HCFC1: variants seen among roughly 807,000 people sequenced by gnomAD.
The protein encoded by HCFC1 is host cell factor C1, also known as host cell factor 1.
Under a neutral mutation model 105.5 loss-of-function variants are expected in HCFC1, and 7 were observed. The observed-to-expected ratio is 0.07, with a 90% CI of 0.04 to 0.12. The LOEUF (loss-of-function observed/expected upper bound fraction) is 0.12. HCFC1 is among the 10% of genes least tolerant of loss of function. HCFC1 has a pLI of 1.00. For synonymous variants in HCFC1, 918 were observed against 828.1 expected (o/e 1.11, Z -1.86); for missense variants, 1,065 against 1,823.6 (o/e 0.58, Z 7.58).
At position 153,956,757 on chromosome X, in the gene HCFC1, G is replaced by T; in HGVS notation, c.2503C>A (p.Leu835Ile). The T allele has an allele frequency of 8.3e-7, 1 of 1,210,616 alleles. No individual in the cohort carries two copies. The highest frequency in any genetic ancestry group is 1.1e-6 in the Non-Finnish European group (1 of 895,445). Residue 835 changes from leucine to isoleucine, a missense_variant, in exon 15 of 26, where the codon CTT becomes ATT. Leu to Ile is a conservative substitution (Grantham distance 5). Around this residue, in one of 17 missense-constraint regions of HCFC1, gnomAD observed 137 missense variants for 378.2 expected, o/e 0.36. Coordinates refer to ENST00000310441, the MANE Select transcript of HCFC1 (RefSeq NM_005334.3). ...HGQQGVTQVV[L>I]KGAPGQPGTI... ...CCTGGCTGTCCCGGGGCCCCCTTAA[G>T]CACCACCTGGAACACCAGAGGAAAG...
At position 153,951,638 on chromosome X, in the gene HCFC1, G is replaced by A. The variant is rs1557112513; in HGVS notation, c.5330C>T (p.Ala1777Val). 1 of 1,211,340 alleles carries A rather than the reference G, an allele frequency of 8.3e-7. No homozygotes were observed. Among genetic ancestry groups the A allele is most frequent in the South Asian group, 1.8e-5 (1 of 57,033 alleles). ...GGCCACTTCGGTCAGGGTAGCTGCAGCCTGCAGCTTGGCTGGGCTGGCCAC... is the reference window on the plus strand; with the variant it reads ...GGCCACTTCGGTCAGGGTAGCTGCAACCTGCAGCTTGGCTGGGCTGGCCAC... ...VVVASPAKLQ[A>V]AATLTEVANG... The change falls in exon 21 of 26, where the codon GCT becomes GTT. Residue 1777 changes from alanine (A) to valine (V), a missense_variant. Ala to Val is a moderately conservative substitution (Grantham distance 64). Transcript: ENST00000310441.
rs2065278186 is a variant in HCFC1 at position 153,948,589 on chromosome X, G to A, written c.*758C>T. On this transcript the variant is annotated 3_prime_UTR_variant, in exon 26 of 26. Coordinates refer to ENST00000310441, the MANE Select transcript of HCFC1 (RefSeq NM_005334.3). ...ACAAAAAAGGGACAAAACCCCACAC[G>A]CTAAAATTACAATGAAAGTGTGAAC... 3 of 113,559 alleles carry A rather than the reference G, an allele frequency of 2.6e-5. No homozygotes were observed. The highest frequency in any genetic ancestry group is 1.8e-4 in the Admixed American group (2 of 10,818). 9.4% of individuals were successfully genotyped at this position (113,559 alleles called of 1,213,427 possible).
Position 153,960,227 on chromosome X carries a change from G to A in HCFC1, c.1084+8C>T, listed in dbSNP as rs367698803. 76 of 1,186,441 alleles carry A rather than the reference G, an allele frequency of 6.4e-5. No individual in the cohort carries two copies. Among genetic ancestry groups the A allele is most frequent in the Non-Finnish European group, 6.3e-5 (56 of 882,046 alleles). ...TGGGAGGAGGGGAGTCGGCTGGGCC[G>A]GGCCTACCTGTCTCTAGGTACCAGA... On this transcript the variant is annotated splice_region_variant and intron_variant, in intron 7 of 25. Coordinates refer to ENST00000310441, the MANE Select transcript of HCFC1 (RefSeq NM_005334.3).
At position 153,960,217 on chromosome X, in the gene HCFC1, C is replaced by A. The variant is rs782811477; in HGVS notation, c.1084+18G>T. On this transcript the variant is annotated intron_variant, in intron 7 of 25. Coordinates refer to ENST00000310441, the MANE Select transcript of HCFC1 (RefSeq NM_005334.3). ...CGGGAGGCTATGGGAGGAGGGGAGT[C>A]GGCTGGGCCGGGCCTACCTGTCTCT... 7 of 1,184,076 alleles carry A rather than the reference C, an allele frequency of 5.9e-6. No homozygotes were observed. The South Asian group carries it at 1.3e-4, about 22-fold the overall frequency.
At position 153,952,834 on chromosome X, in the gene HCFC1, G is replaced by A; in HGVS notation, c.4622C>T (p.Pro1541Leu). Residue 1541 changes from proline to leucine, a missense_variant, in exon 19 of 26, where the codon CCT (proline) becomes CTT (leucine). Pro to Leu is a moderately conservative substitution (Grantham distance 98). Transcript: ENST00000310441. ...SAEVLSASQT[P>L]ELPAAVDLSS... The stretch of plus-strand genomic sequence containing the variant: ...CAGATCCACGGCGGCCGGGAGCTCA[G>A]GGGTCTGGGAGGCTGACAGGACCTC... 1.7e-6 allele frequency: 2 copies of A among 1,194,212 alleles called. No homozygotes were observed. Among genetic ancestry groups the A allele is most frequent in the Non-Finnish European group, 2.3e-6 (2 of 886,929 alleles).
Position 153,954,363 on chromosome X carries a change from C to T in HCFC1, c.4036G>A (p.Glu1346Lys), listed in dbSNP as rs2065348410. 2.5e-6 allele frequency: 3 copies of T among 1,200,276 alleles called. No homozygotes were observed. The highest frequency in any genetic ancestry group is 2.2e-5 in the Admixed American group (1 of 45,006). ...ATSNGGTGQP[E>K]GGQQPPAGRP... Reference sequence around the variant, plus strand: ...CCAGCAGGGGGCTGCTGCCCACCCTCGGGCTGGCCCGTGCCCCCGTTTGAA... The same window carrying T: ...CCAGCAGGGGGCTGCTGCCCACCCTTGGGCTGGCCCGTGCCCCCGTTTGAA... The change falls in exon 17 of 26, where the codon GAG becomes AAG. Residue 1346 changes from glutamate (E) to lysine (K), a missense_variant. Coordinates refer to ENST00000310441, the MANE Select transcript of HCFC1 (RefSeq NM_005334.3).
At chrX:153,968,414 A>G (rs1268701709) in intron 1 of HCFC1, among the ~76,000 whole-genome samples, 1 of 111,786 alleles carries the variant, frequency 8.9e-6, no homozygotes, top group African/African-American at 3.3e-5. Flanking sequence ...AACACAACAA[A>G]AGAAGACAAG....
rs370113081 is a variant in HCFC1, at chrX:153,954,412, G to A, written c.3987C>T (p.Thr1329=). Residue 1329 remains threonine (T), a synonymous_variant, in exon 17 of 26, where the codon ACC becomes ACT. Transcript: ENST00000310441. Reference sequence around the variant, plus strand: ...AAGTAGCGGTGGTGGCCGTGTGGGTGGTGCCCGTCTCGTGGGTCTCGCATG... The same window carrying A: ...AAGTAGCGGTGGTGGCCGTGTGGGTAGTGCCCGTCTCGTGGGTCTCGCATG... The part of the protein sequence containing the change: ...NPPCETHETG[T]THTATTATSN... 2.5e-4 allele frequency: 302 copies of A among 1,210,290 alleles called. No homozygotes were observed. The highest frequency in any genetic ancestry group is 3.2e-4 in the Non-Finnish European group (289 of 894,930).
At chrX:153,961,494 G>T in intron 6 of HCFC1, 48 bp downstream of exon 6, 1 of 921,358 alleles carries the variant, frequency 1.1e-6, no homozygotes, top group Non-Finnish European at 1.6e-6. Context: ...AGAAGGGCCA[G>T]CCTCCTGCAG....
In HCFC1 at chrX:153,948,983, C is replaced by A; in HGVS notation, c.*364G>T. ...CAAGAGGGACGCCTTTCCTCCCCTC[C>A]ATGCCTGCCCCCGACCTGGCCCTCA... On this transcript the variant is annotated 3_prime_UTR_variant, in exon 26 of 26. Coordinates refer to ENST00000310441, the MANE Select transcript of HCFC1 (RefSeq NM_005334.3). 7.4e-6 allele frequency: 1 copy of A among 135,086 alleles called. No individual in the cohort carries two copies. Among genetic ancestry groups the A allele is most frequent in the Non-Finnish European group, 1.4e-5 (1 of 69,991 alleles). The allele number at this position is 135,086 out of a possible 1,213,427, so 11.1% of individuals were successfully genotyped here. A position where few individuals can be genotyped will look rare whatever the true frequency, so the allele number is the denominator to read the frequency against.
intron 1 of HCFC1, 81 bp downstream of exon 1, chrX:153,970,567 G>A: frequency 4.5e-6 from 3 of 671,617 alleles, no homozygotes; most frequent in South Asian, 5.1e-5. Flanking sequence ...GGGAGCAGAT[G>A]GAGGGAGGGA....
In HCFC1 at chrX:153,954,133, A is replaced by C; in HGVS notation, c.4266T>G (p.Cys1422Trp). 1 of 1,191,265 alleles carries C rather than the reference A, an allele frequency of 8.4e-7. No homozygotes were observed. Among genetic ancestry groups the C allele is most frequent in the Non-Finnish European group, 1.1e-6 (1 of 886,186 alleles). Residue 1422 changes from cysteine (C) to tryptophan (W), a missense_variant, in exon 17 of 26, where the codon TGT becomes TGG. Cys to Trp is a radical substitution (Grantham distance 215). Coordinates refer to ENST00000310441, the MANE Select transcript of HCFC1 (RefSeq NM_005334.3). ...GAGTGGTGCCCGTCTCGTGGGTCTC[A>C]CAGGGGGGGTTGGAGCACACCCTCT... ...PTQRVCSNPPCETHETGTTHT... is the reference protein window; with the variant it reads ...PTQRVCSNPPWETHETGTTHT...
rs782761853 is a variant in HCFC1, at chrX:153,952,324, A to C, written c.4943-166T>G. Among the ~76,000 whole-genome samples, 4 of 113,586 alleles carry C rather than the reference A, an allele frequency of 3.5e-5. No homozygotes were observed. The East Asian group carries it at 1.1e-3, about 31-fold the overall frequency. ...GGGCCCTGCCTGTTTCCCAGGCGCT[A>C]ACCCCAGCCAGCCTGTTCTACACGG... On this transcript the variant is annotated intron_variant, in intron 19 of 25. Transcript: ENST00000310441.
intron 13 of HCFC1, 25 bp downstream of exon 13, chrX:153,957,289 C>T (rs1000177621): frequency 8.7e-7 from 1 of 1,151,007 alleles, no homozygotes; most frequent in African/African-American, 1.8e-5. Context: ...CTTGCAGACA[C>T]TCATATGTCG....
rs925729558 is a variant in HCFC1, at chrX:153,951,671, G to A, written c.5297C>T (p.Pro1766Leu). Residue 1766 changes from proline (P) to leucine (L), a missense_variant, in exon 21 of 26, where the codon CCG becomes CTG. Transcript: ENST00000310441. ...CTTGGCTGGGCTGGCCACCACAACCGGCTGGGGGGCCACAAATGTGTTGGA... is the reference window on the plus strand; with the variant it reads ...CTTGGCTGGGCTGGCCACCACAACCAGCTGGGGGGCCACAAATGTGTTGGA... ...APSNTFVAPQ[P>L]VVVASPAKLQ... 3 of 1,209,096 alleles carry A rather than the reference G, an allele frequency of 2.5e-6. No homozygotes were observed. Among genetic ancestry groups the A allele is most frequent in the African/African-American group, 1.7e-5 (1 of 57,352 alleles).
Position 153,971,635 on chromosome X carries a change from T to A in HCFC1, c.-795A>T, listed in dbSNP as rs2065536345. 2 of 294,872 alleles carry A rather than the reference T, an allele frequency of 6.8e-6. No homozygotes were observed. Among genetic ancestry groups the A allele is most frequent in the East Asian group, 9.6e-5 (2 of 20,894 alleles). The allele number at this position is 294,872 out of a possible 1,213,427, so 24.3% of individuals were successfully genotyped here. A position where few individuals can be genotyped will look rare whatever the true frequency, so the allele number is the denominator to read the frequency against. On this transcript the variant is annotated 5_prime_UTR_variant, in exon 1 of 26. Transcript: ENST00000310441. ...TCCCCCCTATTCTCTTCCTCCTAGGTCAGTTCTTCCACTGCACACCAAACT... is the reference window on the plus strand; with the variant it reads ...TCCCCCCTATTCTCTTCCTCCTAGGACAGTTCTTCCACTGCACACCAAACT...
Position 153,952,001 on chromosome X carries a change from C to T in HCFC1, c.5100G>A (p.Leu1700=), listed in dbSNP as rs2065317647. ...GCTGCTGCTGGGCCTGGGCCTCCTG[C>T]AGCTGCTGCTGCTGCACCAGGGCAG... is the stretch of plus-strand genomic sequence containing the variant. ...ELAALVQQQQ[L]QEAQAQQQHH... The change falls in exon 20 of 26, where the codon CTG becomes CTA. Residue 1700 remains leucine, a synonymous_variant. Coordinates refer to ENST00000310441, the MANE Select transcript of HCFC1 (RefSeq NM_005334.3). 8.3e-7 allele frequency: 1 copy of T among 1,197,955 alleles called. No homozygotes were observed. The highest frequency in any genetic ancestry group is 1.8e-5 in the South Asian group (1 of 55,072).
chrX:153,968,449 C>T (rs1052608094), intron 1 of HCFC1, among the ~76,000 whole-genome samples: 6 of 111,832 alleles, frequency 5.4e-5, no homozygotes, highest in Non-Finnish European at 1.1e-4. Flanking sequence ...GCCGGGCTGG[C>T]GGGAGGGGGC....
chrX:153,964,096 G>T, intron 3 of HCFC1, 28 bp downstream of exon 3: 1 of 1,170,348 alleles, frequency 8.5e-7, no homozygotes, highest in Non-Finnish European at 1.2e-6. Flanking sequence ...CCACCCGGGG[G>T]GTTCCAGAGA....
Sources: allele counts gnomAD v4.1 joint callset (sites outside exome capture counted in the v4.1 genomes callset), GRCh38; gene constraint gnomAD v4.1.1; regional missense constraint gnomAD v4.1.1; transcripts MANE v1.5; gene names NCBI Gene and HGNC (gene_info 2026-07-23, HGNC 2026-07-21).